The following PCDH9 variants were observed in gnomAD, a reference collection of about 807,000 sequenced individuals.
PCDH9 encodes protocadherin-9.
PCDH9 carries 24 observed loss-of-function variants against 70.6 expected under a neutral mutation model. The ratio of observed to expected loss-of-function variants is 0.34; its 90% CI spans 0.25 to 0.48. The LOEUF is 0.48. Ranked by LOEUF, PCDH9 falls within the 20% of genes least tolerant of loss-of-function variation. PCDH9 has a pLI of 0.99. For missense variants in PCDH9, 1,281 were observed against 1,503.6 expected (o/e 0.85, Z 2.45); for synonymous variants, 562 against 558.5 (o/e 1.01, Z -0.09).
chr13:67,050,314 GA>G (rs373507282), intron 2 of PCDH9, among the ~76,000 whole-genome samples: 72 of 151,674 alleles, frequency 4.7e-4, no homozygotes, highest in Non-Finnish European at 7.7e-4. Flanking sequence ...GCAGGTAGGG[GA>G]AAAAAAATGC....
intron 2 of PCDH9, among the ~76,000 whole-genome samples, chr13:67,177,892 AT>A (rs551558045): frequency 2.0e-5 from 3 of 152,034 alleles, no homozygotes; most frequent in African/African-American, 7.2e-5. Context: ...TGACTACACA[AT>A]TTTTTTCAAA....
chr13:66,689,904 T>C lies in PCDH9; in HGVS notation c.3139-58493A>G, dbSNP rs2078458374. On this transcript the variant is annotated intron_variant, in intron 3 of 4. Coordinates refer to ENST00000377865, the MANE Select transcript of PCDH9 (RefSeq NM_203487.3). ...ATTGAATGTTTCTTGTCTTCTTTTTTATTTTTTAAAGACTATGCCTCGAGA... is the reference window on the plus strand; with the variant it reads ...ATTGAATGTTTCTTGTCTTCTTTTTCATTTTTTAAAGACTATGCCTCGAGA... 2.0e-5 allele frequency among the ~76,000 whole-genome samples: 3 copies of C among 152,214 alleles called. No homozygotes were observed. In the South Asian group the frequency reaches 6.2e-4, roughly 32 times the overall value.
chr13:66,632,009 T>C (rs1245252164), intron 3 of PCDH9, among the ~76,000 whole-genome samples: 2 of 152,184 alleles, frequency 1.3e-5, no homozygotes, highest in Non-Finnish European at 1.5e-5. Context: ...TTCTCCTGTC[T>C]CAGCCTTCCA....
chr13:67,079,225 C>T (rs548291659), intron 2 of PCDH9, among the ~76,000 whole-genome samples: 1 of 151,902 alleles, frequency 6.6e-6, no homozygotes, highest in South Asian at 2.1e-4. Flanking sequence ...GTACAAAAAG[C>T]ATGGCATTCA....
intron 2 of PCDH9, among the ~76,000 whole-genome samples, chr13:67,131,187 T>C (rs908214306): frequency 2.6e-5 from 4 of 152,158 alleles, no homozygotes; most frequent in African/African-American, 4.8e-5. Context: ...AAATAGAAAA[T>C]TTAGACTCCT....
intron 2 of PCDH9, among the ~76,000 whole-genome samples, chr13:67,079,616 A>G (rs2085944942): frequency 6.6e-6 from 1 of 152,198 alleles, no homozygotes; most frequent in African/African-American, 2.4e-5. Flanking sequence ...CCATGGGATC[A>G]TCGGACTAAA....
chr13:66,467,711 G>GA (rs1318243820), intron 4 of PCDH9, among the ~76,000 whole-genome samples: 1 of 151,620 alleles, frequency 6.6e-6, no homozygotes, highest in Non-Finnish European at 1.5e-5. Context: ...CTGTATGTCA[G>GA]AAAAAAGAAA....
chr13:66,362,787 G>A (rs573346565), intron 4 of PCDH9, among the ~76,000 whole-genome samples: 3 of 152,216 alleles, frequency 2.0e-5, no homozygotes, highest in South Asian at 4.2e-4. Flanking sequence ...GCAATAAAAG[G>A]ATCATTATAT....
At chr13:66,812,885 C>A (rs889842641) in intron 3 of PCDH9, among the ~76,000 whole-genome samples, 1 of 152,176 alleles carries the variant, frequency 6.6e-6, no homozygotes, top group Non-Finnish European at 1.5e-5. Flanking sequence ...CCGATGGCAA[C>A]CATCACAGGC....
rs529655497 is a variant in PCDH9 at position 67,088,940 on chromosome 13, A to T, written c.3036+136465T>A. ...GAAGAGTAAGAGCAGTAGCTGTAAG[A>T]TTAGAAAACACAACTAGAAAGATGA... On this transcript the variant is annotated intron_variant, in intron 2 of 4. Coordinates refer to ENST00000377865, the MANE Select transcript of PCDH9 (RefSeq NM_203487.3). Among the ~76,000 whole-genome samples the T allele has an allele frequency of 3.1e-4, 47 of 152,206 alleles. No individual in the cohort carries two copies. The Middle Eastern group carries it at 0.014, about 44-fold the overall frequency.
At chr13:66,416,247 C>T (rs530835952) in intron 4 of PCDH9, among the ~76,000 whole-genome samples, 169 of 150,474 alleles carry the variant, frequency 1.1e-3, no homozygotes, top group African/African-American at 4.1e-3. Flanking sequence ...AAGGAGATAA[C>T]GTCTGGAGAT....
intron 4 of PCDH9, among the ~76,000 whole-genome samples, chr13:66,479,754 C>G (rs994116616): frequency 1.3e-5 from 2 of 152,162 alleles, no homozygotes; most frequent in African/African-American, 4.8e-5. Flanking sequence ...CATCAGTGCT[C>G]TGTGTCTACC....
intron 2 of PCDH9, among the ~76,000 whole-genome samples, chr13:66,979,121 A>C (rs896388668): frequency 1.3e-5 from 2 of 152,130 alleles, no homozygotes; most frequent in East Asian, 1.9e-4. Context: ...GAGTTCAGAA[A>C]AAATATCAGT....
At chr13:67,140,025 A>AACCC (rs2087335615) in intron 2 of PCDH9, among the ~76,000 whole-genome samples, 1 of 65,938 alleles carries the variant, frequency 1.5e-5, no homozygotes, top group Non-Finnish European at 2.8e-5. Context: ...TTTTTTGATC[A>AACCC]CCCCCCCCCC....
intron 4 of PCDH9, among the ~76,000 whole-genome samples, chr13:66,381,431 A>G (rs549338878): frequency 1.3e-5 from 2 of 152,328 alleles, no homozygotes; most frequent in African/African-American, 4.8e-5. Flanking sequence ...GCTTCCATAG[A>G]GGTTACAAAT....
rs146618643 is a variant in PCDH9, at chr13:67,228,381, G to A, written c.60C>T (p.Ser20=). 6.3e-4 allele frequency: 1,019 copies of A among 1,612,122 alleles called. 9 individuals carry two copies. In the Admixed American group the frequency reaches 0.012, roughly 19 times the overall value. Residue 20 remains serine (S), a synonymous_variant, in exon 2 of 5, where the codon TCC becomes TCT. Coordinates refer to ENST00000377865, the MANE Select transcript of PCDH9 (RefSeq NM_203487.3). ...AALIACLRLD[S]AIAQELIYTI... ...TGTAAATAAGTTCTTGAGCTATTGC[G>A]GAATCCAGCCTTAAACAGGCAATCA...
intron 4 of PCDH9, among the ~76,000 whole-genome samples, chr13:66,512,744 T>A (rs1959541265): frequency 6.6e-6 from 1 of 152,188 alleles, no homozygotes; most frequent in Admixed American, 6.6e-5. Flanking sequence ...AAACAAACTG[T>A]AGAACTATTA....
At chr13:66,691,420 T>G (rs1337532840) in intron 3 of PCDH9, among the ~76,000 whole-genome samples, 1 of 152,204 alleles carries the variant, frequency 6.6e-6, no homozygotes, top group Non-Finnish European at 1.5e-5. Flanking sequence ...TCTTTTGTTA[T>G]GGAGTACTTA....
intron 2 of PCDH9, among the ~76,000 whole-genome samples, chr13:67,033,707 A>G (rs1228850196): frequency 6.6e-6 from 1 of 152,018 alleles, no homozygotes; most frequent in Non-Finnish European, 1.5e-5. Context: ...ACTGCCAATC[A>G]CTCTGCTTTC....
Sources: allele counts gnomAD v4.1 joint callset (sites outside exome capture counted in the v4.1 genomes callset), GRCh38; gene constraint gnomAD v4.1.1; transcripts MANE v1.5; gene names NCBI Gene and HGNC (gene_info 2026-07-23, HGNC 2026-07-21).